The following BICC1 variants were observed in gnomAD, a reference collection of about 807,000 sequenced individuals.
The protein encoded by BICC1 is protein bicaudal C homolog 1.
Under a neutral mutation model 111.0 loss-of-function variants are expected in BICC1, and 43 were observed. The observed-to-expected ratio is 0.39, with a 90% CI of 0.30 to 0.50. BICC1 has a LOEUF of 0.50. BICC1 is among the 20% of genes least tolerant of loss of function. The probability of loss-of-function intolerance (pLI) is 0.88; values close to 1 mark genes in which losing one functional copy is unlikely to be tolerated. For synonymous variants in BICC1, 467 were observed against 434.4 expected, an observed-to-expected ratio of 1.07 and a Z score of -0.93; for missense variants, 1,091 against 1,203.2, an observed-to-expected ratio of 0.91 and a Z score of 1.38.
chr10:58,789,596 A>C (rs1160561445), intron 7 of BICC1, 86 bp from the exon 8 acceptor site: 16 of 1,547,346 alleles, frequency 1.0e-5, no homozygotes, highest in African/African-American at 2.7e-5. Flanking sequence ...GTATTTTTCC[A>C]TAGCTGTTAG....
intron 2 of BICC1, among the ~76,000 whole-genome samples, chr10:58,684,459 C>T (rs1443069797): frequency 3.3e-5 from 5 of 152,182 alleles, no homozygotes; most frequent in Admixed American, 2.6e-4. Flanking sequence ...GGTACCAGCT[C>T]CTCTTTGTAC....
intron 3 of BICC1, among the ~76,000 whole-genome samples, chr10:58,753,000 T>G (rs1842032962): frequency 6.6e-6 from 1 of 152,126 alleles, no homozygotes; most frequent in Non-Finnish European, 1.5e-5. Context: ...TGTAGCTGCA[T>G]CTGAGTAATC....
At position 58,579,109 on chromosome 10, in the gene BICC1, G is replaced by A. The variant is rs80274412; in HGVS notation, c.191-41746G>A. ...GGCCCCCTTCATATATAATACCACT[G>A]GTGGTCAGCCCCACTGAAGCCCCAC... On this transcript the variant is annotated intron_variant, in intron 1 of 20. Transcript: ENST00000373886. Among the ~76,000 whole-genome samples the A allele has an allele frequency of 7.6e-3, 1,163 of 152,190 alleles. 9 individuals are homozygous for A. The highest frequency in any genetic ancestry group is 0.026 in the African/African-American group (1,094 of 41,524).
chr10:58,738,215 G>A (rs1399474217), intron 3 of BICC1, among the ~76,000 whole-genome samples: 2 of 152,156 alleles, frequency 1.3e-5, no homozygotes, highest in African/African-American at 4.8e-5. Context: ...GGTTTTTATG[G>A]TTTTAGGTCT....
Position 58,660,485 on chromosome 10 carries a change from TAA to T in BICC1, c.237+39595_237+39596del, listed in dbSNP as rs1004203160. On this transcript the variant is annotated intron_variant, in intron 2 of 20. Transcript: ENST00000373886. ...GAAAAAAGTTCATTCCTTAACCCAT[TAA>T]AAAAAAAAAAGAGTTCATTCTGATA... Among the ~76,000 whole-genome samples, 7 of 142,174 alleles carry T rather than the reference TAA, an allele frequency of 4.9e-5. No individual in the cohort carries two copies. The East Asian group carries it at 8.1e-4, about 16-fold the overall frequency. 93.3% of individuals were successfully genotyped at this position (142,174 alleles called of 152,430 possible).
chr10:58,786,768 CAGG>C (rs971431059), intron 4 of BICC1, among the ~76,000 whole-genome samples, 152 bp from the exon 5 acceptor site: 2 of 152,078 alleles, frequency 1.3e-5, no homozygotes, highest in African/African-American at 4.8e-5. Context: ...AAATTAATAG[CAGG>C]AGAACACTTA....
chr10:58,710,036 G>T (rs1045631972), intron 3 of BICC1, among the ~76,000 whole-genome samples: 1 of 152,114 alleles, frequency 6.6e-6, no homozygotes, highest in African/African-American at 2.4e-5. Flanking sequence ...ATGTAAGTGG[G>T]TCCTACCATT....
intron 1 of BICC1, among the ~76,000 whole-genome samples, chr10:58,596,264 GAATC>G (rs1844810234): frequency 1.3e-5 from 2 of 152,010 alleles, no homozygotes; most frequent in Non-Finnish European, 2.9e-5. Context: ...CAACATACAC[GAATC>G]AATAAATGTA....
chr10:58,592,677 T>C (rs1844664002), intron 1 of BICC1, among the ~76,000 whole-genome samples: 1 of 150,184 alleles, frequency 6.7e-6, no homozygotes, highest in African/African-American at 2.5e-5. Flanking sequence ...ATCATGCTAC[T>C]GCACGCCAGC....
chr10:58,584,798 T>C (rs1475350297), intron 1 of BICC1, among the ~76,000 whole-genome samples: 2 of 152,052 alleles, frequency 1.3e-5, no homozygotes, highest in Non-Finnish European at 2.9e-5. Flanking sequence ...TTTTTTTTTT[T>C]CTTAGCACAA....
chr10:58,736,940 T>C (rs1267797275), intron 3 of BICC1, among the ~76,000 whole-genome samples: 1 of 152,148 alleles, frequency 6.6e-6, no homozygotes, highest in Non-Finnish European at 1.5e-5. Flanking sequence ...TTTTATTTTA[T>C]TTTATTTTTT....
chr10:58,807,104 G>A lies in BICC1; in HGVS notation c.2322G>A (p.Glu774=), dbSNP rs1399793560. 2 of 1,613,966 alleles carry A rather than the reference G, an allele frequency of 1.2e-6. No homozygotes were observed. Among genetic ancestry groups the A allele is most frequent in the Non-Finnish European group, 1.7e-6 (2 of 1,179,880 alleles). The part of the protein sequence containing the change: ...SKSMPAETIK[E]LRRANHVSYK... ...CCATGCCAGCTGAAACTATCAAGGA[G>A]TTGAGAAGGGCCAATCATGTGTCCT... The change falls in exon 17 of 21, where the codon GAG becomes GAA. Residue 774 remains glutamate, a synonymous_variant. Transcript: ENST00000373886.
At chr10:58,692,563 C>T (rs960299084) in intron 2 of BICC1, among the ~76,000 whole-genome samples, 2 of 152,142 alleles carry the variant, frequency 1.3e-5, no homozygotes, top group African/African-American at 4.8e-5. Context: ...AATATTTATT[C>T]AGTACACTCT....
intron 2 of BICC1, among the ~76,000 whole-genome samples, chr10:58,687,714 TG>T (rs995841832): frequency 2.0e-5 from 3 of 152,134 alleles, no homozygotes; most frequent in African/African-American, 7.2e-5. Flanking sequence ...CTAAGACCAT[TG>T]GAAAAGCGCA....
intron 5 of BICC1, among the ~76,000 whole-genome samples, 192 bp from the exon 6 acceptor site, chr10:58,788,178 C>G (rs191601281): frequency 6.6e-6 from 1 of 151,976 alleles, no homozygotes; most frequent in African/African-American, 2.4e-5. Flanking sequence ...CTGAGGATCT[C>G]GTTAAAATGC....
chr10:58,558,044 C>T (rs905094543), intron 1 of BICC1, among the ~76,000 whole-genome samples: 1 of 152,080 alleles, frequency 6.6e-6, no homozygotes, highest in Non-Finnish European at 1.5e-5. Context: ...GCATTTAGTT[C>T]AGGGCTAGTT....
At chr10:58,598,209 G>A (rs753947771) in intron 1 of BICC1, among the ~76,000 whole-genome samples, 3 of 151,952 alleles carry the variant, frequency 2.0e-5, no homozygotes, top group Non-Finnish European at 4.4e-5. Context: ...AGACAGTCCT[G>A]GGCAAGAAGA....
intron 2 of BICC1, among the ~76,000 whole-genome samples, chr10:58,665,442 G>A (rs1838978864): frequency 1.3e-5 from 2 of 152,036 alleles, no homozygotes; most frequent in African/African-American, 4.8e-5. Context: ...TGTACTTGTT[G>A]AAGCCCGTAT....
intron 3 of BICC1, among the ~76,000 whole-genome samples, chr10:58,762,824 A>C (rs1299317370): frequency 3.3e-5 from 5 of 151,588 alleles, no homozygotes; most frequent in Non-Finnish European, 5.9e-5. Context: ...AAAAACAAAG[A>C]GTTCTCTCTC....
Sources: gnomAD v4.1 joint callset for allele counts (sites outside exome capture counted in the v4.1 genomes callset) on GRCh38, gnomAD v4.1.1 for gene constraint, MANE v1.5 for transcripts, NCBI Gene and HGNC (gene_info 2026-07-23, HGNC 2026-07-21) for gene names.